ADCY7: variants seen among roughly 807,000 people sequenced by gnomAD.
ADCY7 encodes the protein adenylate cyclase 7, also known as adenylate cyclase type 7.
Under a neutral mutation model 120.6 loss-of-function variants are expected in ADCY7, and 72 were observed. The observed-to-expected ratio is 0.60, with a 90% confidence interval of 0.49 to 0.73. The LOEUF (loss-of-function observed/expected upper bound fraction) is 0.73. Among genes scored for constraint, ADCY7 ranks in the 30% least tolerant of loss-of-function variants. The pLI, the probability that ADCY7 is intolerant of heterozygous loss-of-function variation, is 0.00. For missense variants in ADCY7, 1,227 were observed against 1,486.0 expected (o/e 0.83, Z 2.87); for synonymous variants, 661 against 628.0 (o/e 1.05, Z -0.78).
At chr16:50,307,897 G>A (rs971610971) in intron 15 of ADCY7, among the ~76,000 whole-genome samples, 1 of 150,884 alleles carries the variant, frequency 6.6e-6, no homozygotes, top group South Asian at 2.1e-4. Context: ...TCGGGAGGCT[G>A]AGGCAGGAGA....
At chr16:50,263,985 A>T (rs1435023977), upstream of ADCY7, among the ~76,000 whole-genome samples, 1 of 152,160 alleles carries the variant, frequency 6.6e-6, no homozygotes, top group African/African-American at 2.4e-5. Flanking sequence ...TTAAAAATGG[A>T]CGGGTAATTT....
intron 3 of ADCY7, 118 bp from the exon 4 acceptor site, chr16:50,291,618 G>A: frequency 3.5e-6 from 4 of 1,150,140 alleles, no homozygotes; most frequent in Non-Finnish European, 5.0e-6. Context: ...CGCAGGGGGT[G>A]GCGAGGGAGC....
chr16:50,314,476 C>G, intron 24 of ADCY7, 70 bp downstream of exon 24: 1 of 1,121,396 alleles, frequency 8.9e-7, no homozygotes, highest in Non-Finnish European at 1.3e-6. Flanking sequence ...CTGTGTGGCA[C>G]AGCTGCACCT....
At chr16:50,270,663 T>TGCAG (rs2033509831) in intron 1 of ADCY7, among the ~76,000 whole-genome samples, 1 of 152,008 alleles carries the variant, frequency 6.6e-6, no homozygotes, top group African/African-American at 2.4e-5. Flanking sequence ...GCCTGGGTGG[T>TGCAG]GCAGGCAGGC....
At chr16:50,277,462 T>C (rs949138043) in intron 1 of ADCY7, among the ~76,000 whole-genome samples, 1 of 152,198 alleles carries the variant, frequency 6.6e-6, no homozygotes, top group African/African-American at 2.4e-5. Flanking sequence ...CACAGACTTA[T>C]GAGACTTATG....
upstream of ADCY7, among the ~76,000 whole-genome samples, chr16:50,264,538 C>G (rs2033138982): frequency 6.6e-6 from 1 of 152,172 alleles, no homozygotes; most frequent in South Asian, 2.1e-4. Context: ...GTCCACACTG[C>G]CAGGCAGTTT....
intron 8 of ADCY7, 120 bp from the exon 9 acceptor site, chr16:50,300,595 C>T: frequency 8.2e-7 from 1 of 1,214,902 alleles, no homozygotes; most frequent in African/African-American, 1.5e-5. Flanking sequence ...AACATTCTCT[C>T]CCGTGGGCTG....
At chr16:50,289,202 T>A in intron 2 of ADCY7, 2 of 320,928 alleles carry the variant, frequency 6.2e-6, no homozygotes, top group South Asian at 4.6e-5. Flanking sequence ...GTTTTTTTTT[T>A]GTTTGTTTGT....
At position 50,308,427 on chromosome 16, in the gene ADCY7, T is replaced by TGGCCCC. The variant is rs767399689; in HGVS notation, c.1935+18_1935+23dup. On this transcript the variant is annotated intron_variant, in intron 16 of 25. Transcript: ENST00000673801. Reference sequence around the variant, plus strand: ...CAAGTTCTCGGTAAGTGGGGAGCTCTGGCCCCGCGGGCCCTCCCTCCCTGC... The same window carrying TGGCCCC: ...CAAGTTCTCGGTAAGTGGGGAGCTCTGGCCCCGGCCCCGCGGGCCCTCCCTCCCTGC... 1 of 1,614,010 alleles carries TGGCCCC rather than the reference T, an allele frequency of 6.2e-7. No individual in the cohort carries two copies.
intron 24 of ADCY7, 64 bp downstream of exon 24, chr16:50,314,470 G>GGAC: frequency 4.9e-6 from 6 of 1,235,624 alleles, no homozygotes; most frequent in Non-Finnish European, 7.1e-6. Context: ...CCCAGTCTGT[G>GGAC]TGGCACAGCT....
At chr16:50,286,445 A>AAT (rs1555519811) in intron 1 of ADCY7, among the ~76,000 whole-genome samples, 27 of 150,514 alleles carry the variant, frequency 1.8e-4, no homozygotes, top group African/African-American at 5.8e-4. Context: ...AAAAAAAAAA[A>AAT]AGAGAGAAAG....
Position 50,304,942 on chromosome 16 carries a change from C to T in ADCY7, c.1578C>T (p.His526=). 1 of 1,613,540 alleles carries T rather than the reference C, an allele frequency of 6.2e-7. No homozygotes were observed. The highest frequency in any genetic ancestry group is 8.5e-7 in the Non-Finnish European group (1 of 1,180,018). ...CCTTTCAGAGCGTTCCCCAGCGCCA[C>T]CGCCGGACCCCAGACAGGTGCGTGC... ...GRRPKSVPQR[H]RRTPDRSMSP... The change falls in exon 12 of 26, where the codon CAC becomes CAT. Residue 526 remains histidine, a synonymous_variant. Coordinates refer to ENST00000673801, the MANE Select transcript of ADCY7 (RefSeq NM_001114.5).
At position 50,308,690 on chromosome 16, in the gene ADCY7, G is replaced by C. The variant is rs1415580725; in HGVS notation, c.1959G>C (p.Thr653=). The part of the protein sequence containing the change: ...KFSRCCPARG[T]LCTISERVET... ...AGAGGTGCTGCCCAGCTCGGGGGAC[G>C]CTCTGCACTATCTCTGAGAGGGTGG... Residue 653 remains threonine, a synonymous_variant, in exon 17 of 26, where the codon ACG becomes ACC. Transcript: ENST00000673801. 7 of 1,613,354 alleles carry C rather than the reference G, an allele frequency of 4.3e-6. No individual in the cohort carries two copies. Among genetic ancestry groups the C allele is most frequent in the Non-Finnish European group, 5.9e-6 (7 of 1,179,876 alleles).
Position 50,291,730 on chromosome 16 carries a change from C to T in ADCY7, c.376-6C>T. On this transcript the variant is annotated splice_region_variant and splice_polypyrimidine_tract_variant and intron_variant, in intron 3 of 25. Coordinates refer to ENST00000673801, the MANE Select transcript of ADCY7 (RefSeq NM_001114.5). ...GGGCACCGGGCTCACCAGGCTGCATCCACAGGTGCCCTTCTTCCTGTTCAT... is the reference window on the plus strand; with the variant it reads ...GGGCACCGGGCTCACCAGGCTGCATTCACAGGTGCCCTTCTTCCTGTTCAT... 2 of 1,614,036 alleles carry T rather than the reference C, an allele frequency of 1.2e-6. No homozygotes were observed. The highest frequency in any genetic ancestry group is 1.7e-6 in the Non-Finnish European group (2 of 1,179,974).
At chr16:50,311,852 T>G in intron 20 of ADCY7, 66 bp downstream of exon 20, 50 of 1,194,516 alleles carry the variant, frequency 4.2e-5, no homozygotes, top group East Asian at 1.1e-4. Flanking sequence ...CATCTGGAGA[T>G]GGGGTGGGGT....
chr16:50,281,875 G>A (rs1478475034), intron 1 of ADCY7, among the ~76,000 whole-genome samples: 2 of 152,210 alleles, frequency 1.3e-5, no homozygotes, highest in Non-Finnish European at 2.9e-5. Context: ...GAGAGAGTTC[G>A]CGTTAATATG....
In ADCY7 at chr16:50,315,999, T is replaced by C. The variant is rs1014124417; in HGVS notation, c.*494T>C. On this transcript the variant is annotated 3_prime_UTR_variant, in exon 26 of 26. Coordinates refer to ENST00000673801, the MANE Select transcript of ADCY7 (RefSeq NM_001114.5). ...TTTCTCACAGAGGCATTCTGGTAAA[T>C]GAAGCTGAAAGGGGTGTTTTACATC... 1.9e-5 allele frequency: 3 copies of C among 154,776 alleles called. No individual in the cohort carries two copies. Among genetic ancestry groups the C allele is most frequent in the Non-Finnish European group, 4.3e-5 (3 of 69,686 alleles). The allele number at this position is 154,776 out of a possible 1,614,324, so 9.6% of individuals were successfully genotyped here.
At chr16:50,289,976 C>T (rs563312857) in intron 2 of ADCY7, among the ~76,000 whole-genome samples, 185 of 152,358 alleles carry the variant, frequency 1.2e-3, no homozygotes, top group Admixed American at 3.3e-3. Flanking sequence ...ATGCTGTGCC[C>T]GTCCTGTCCC....
upstream of ADCY7, among the ~76,000 whole-genome samples, chr16:50,265,798 C>T (rs1359140942): frequency 6.6e-6 from 1 of 152,222 alleles, no homozygotes; most frequent in Admixed American, 6.5e-5. Context: ...CTGTGGCCAG[C>T]GGGCTGGAGG....
Sources: gnomAD v4.1 joint callset for allele counts (sites outside exome capture counted in the v4.1 genomes callset) on GRCh38, gnomAD v4.1.1 for gene constraint, MANE v1.5 for transcripts, NCBI Gene and HGNC (gene_info 2026-07-23, HGNC 2026-07-21) for gene names.